Variants in LTBP1 observed in about 807,000 individuals in gnomAD.
LTBP1 encodes latent transforming growth factor beta binding protein 1, also known as latent-transforming growth factor beta-binding protein 1.
In LTBP1, 129 loss-of-function variants were observed where a neutral mutation model predicts 207.6. The ratio of observed to expected loss-of-function variants is 0.62; its 90% CI spans 0.54 to 0.72. The LOEUF (loss-of-function observed/expected upper bound fraction) is 0.72, where lower values mean the gene tolerates loss of function less well. LTBP1 is among the 30% of genes least tolerant of loss of function. The probability of loss-of-function intolerance (pLI) is 0.00; values close to 1 mark genes in which losing one functional copy is unlikely to be tolerated. For missense variants in LTBP1, 2,281 were observed against 2,217.2 expected (o/e 1.03, Z -0.58); for synonymous variants, 963 against 833.7 (o/e 1.16, Z -2.67).
chr2:33,095,307 A>G (rs1014346489), intron 3 of LTBP1, among the ~76,000 whole-genome samples: 1 of 152,166 alleles, frequency 6.6e-6, no homozygotes, highest in African/African-American at 2.4e-5. Flanking sequence ...TAAAGAAAGA[A>G]GGGACCCCCA....
At chr2:33,177,609 G>A (rs920141413) in intron 5 of LTBP1, among the ~76,000 whole-genome samples, 5 of 151,926 alleles carry the variant, frequency 3.3e-5, no homozygotes, top group Admixed American at 1.3e-4. Context: ...TGGACATTGC[G>A]GTGAGCCGAG....
At chr2:33,050,056 T>C (rs2149491512) in intron 3 of LTBP1, among the ~76,000 whole-genome samples, 1 of 152,046 alleles carries the variant, frequency 6.6e-6, no homozygotes, top group African/African-American at 2.4e-5. Context: ...GTTGCCTAGG[T>C]TGGTCTCGAA....
chr2:33,298,570 A>G (rs1319403156), intron 20 of LTBP1, among the ~76,000 whole-genome samples: 1 of 152,242 alleles, frequency 6.6e-6, no homozygotes. Context: ...ATTTTATAGA[A>G]TGTGCTAAAA....
chr2:33,027,223 A>C (rs1234214269), intron 3 of LTBP1, among the ~76,000 whole-genome samples: 1 of 152,206 alleles, frequency 6.6e-6, no homozygotes, highest in African/African-American at 2.4e-5. Context: ...TGACTAAGGT[A>C]TAATTGACAA....
chr2:32,964,155 C>T (rs1027906120), intron 2 of LTBP1, among the ~76,000 whole-genome samples: 2 of 152,100 alleles, frequency 1.3e-5, no homozygotes. Flanking sequence ...CATGCTGACT[C>T]CATCCTGGAA....
At chr2:33,162,128 T>G (rs1421620704) in intron 5 of LTBP1, among the ~76,000 whole-genome samples, 1 of 152,258 alleles carries the variant, frequency 6.6e-6, no homozygotes, top group African/African-American at 2.4e-5. Flanking sequence ...GAGACAGTTG[T>G]ATCATCTTAA....
At chr2:33,105,592 C>G (rs898845976) in intron 3 of LTBP1, among the ~76,000 whole-genome samples, 1 of 152,186 alleles carries the variant, frequency 6.6e-6, no homozygotes, top group Middle Eastern at 3.4e-3. Context: ...GGCACCACAC[C>G]TGGCTAATTT....
At chr2:33,089,876 G>A (rs1386326505) in intron 3 of LTBP1, among the ~76,000 whole-genome samples, 3 of 152,178 alleles carry the variant, frequency 2.0e-5, no homozygotes, top group Non-Finnish European at 4.4e-5. Context: ...ACCAAATGAA[G>A]CATTGCTGAG....
At chr2:33,389,815 T>C (rs879371264) in intron 32 of LTBP1, among the ~76,000 whole-genome samples, 3 of 152,088 alleles carry the variant, frequency 2.0e-5, no homozygotes, top group Non-Finnish European at 4.4e-5. Flanking sequence ...AAATTTTGTA[T>C]TGTTAGTAGA....
At chr2:33,253,602 T>C (rs551521655) in intron 11 of LTBP1, among the ~76,000 whole-genome samples, 1 of 152,304 alleles carries the variant, frequency 6.6e-6, no homozygotes, top group South Asian at 2.1e-4. Context: ...CATTAAATAG[T>C]CTACTCAATT....
At chr2:33,300,636 A>G in intron 21 of LTBP1, 63 bp downstream of exon 21, 1 of 1,533,984 alleles carries the variant, frequency 6.5e-7, no homozygotes, top group South Asian at 1.2e-5. Context: ...TGAAAAAGGT[A>G]CGCTCAATCA....
chr2:33,058,079 T>C (rs1311480403), intron 3 of LTBP1, among the ~76,000 whole-genome samples: 2 of 152,240 alleles, frequency 1.3e-5, no homozygotes, highest in African/African-American at 2.4e-5. Flanking sequence ...TTCCAATTAC[T>C]TTGGCCTGGG....
intron 3 of LTBP1, among the ~76,000 whole-genome samples, chr2:33,029,871 T>A (rs1223460698): frequency 6.6e-6 from 1 of 152,222 alleles, no homozygotes; most frequent in Non-Finnish European, 1.5e-5. Context: ...AAATTGTTTA[T>A]TTTCAAAACA....
intron 25 of LTBP1, among the ~76,000 whole-genome samples, chr2:33,346,843 G>A (rs564541095): frequency 1.3e-5 from 2 of 152,212 alleles, no homozygotes; most frequent in South Asian, 2.1e-4. Flanking sequence ...TTGGCTGGGC[G>A]CAGTGGCTCG....
chr2:33,021,365 A>C (rs966680629), intron 3 of LTBP1, among the ~76,000 whole-genome samples, 159 bp downstream of exon 3: 2 of 152,216 alleles, frequency 1.3e-5, no homozygotes, highest in Admixed American at 6.5e-5. Context: ...TAGGCTTTAC[A>C]CATGGAATCT....
chr2:33,142,491 A>G lies in LTBP1; in HGVS notation c.1201+7531A>G, dbSNP rs183053208. The stretch of plus-strand genomic sequence containing the variant: ...TGCGTGGTGGTGGTGGGCAGAGGGC[A>G]GGAGGACCCTGGGTAGACGAAGGGG... On this transcript the variant is annotated intron_variant, in intron 5 of 33. Coordinates refer to ENST00000404816, the MANE Select transcript of LTBP1 (RefSeq NM_206943.4). Among the ~76,000 whole-genome samples, 295 of 152,160 alleles carry G rather than the reference A, an allele frequency of 1.9e-3. 4 individuals carry two copies. Among genetic ancestry groups the G allele is most frequent in the African/African-American group, 6.9e-3 (285 of 41,500 alleles).
chr2:33,395,514 A>G (rs1444494584), intron 32 of LTBP1, among the ~76,000 whole-genome samples: 1 of 152,170 alleles, frequency 6.6e-6, no homozygotes, highest in African/African-American at 2.4e-5. Context: ...GGTCATCTCT[A>G]AAACCCACTT....
At chr2:32,954,382 C>T (rs1470345214) in intron 2 of LTBP1, among the ~76,000 whole-genome samples, 1 of 152,130 alleles carries the variant, frequency 6.6e-6, no homozygotes, top group Non-Finnish European at 1.5e-5. Context: ...GTGTTGATAG[C>T]GTTACTTCCT....
chr2:33,328,016 T>A (rs2149434046), intron 24 of LTBP1, among the ~76,000 whole-genome samples: 1 of 151,960 alleles, frequency 6.6e-6, no homozygotes, highest in South Asian at 2.1e-4. Flanking sequence ...ACGCCTGTAA[T>A]CTCAGCTACT....
Sources: allele counts gnomAD v4.1 joint callset (sites outside exome capture counted in the v4.1 genomes callset), GRCh38; gene constraint gnomAD v4.1.1; transcripts MANE v1.5; gene names NCBI Gene and HGNC (gene_info 2026-07-23, HGNC 2026-07-21).